ZNF827: variants seen among roughly 807,000 people sequenced by gnomAD.
ZNF827 encodes zinc finger protein 827.
ZNF827 carries 13 observed loss-of-function variants against 102.4 expected under a neutral mutation model. The ratio of observed to expected loss-of-function variants is 0.13; its 90% CI spans 0.08 to 0.20. ZNF827 has a LOEUF of 0.20. Ranked by LOEUF, ZNF827 falls within the 10% of genes least tolerant of loss-of-function variation. The pLI is 1.00. For synonymous variants in ZNF827, 523 were observed against 536.2 expected, an observed-to-expected ratio of 0.98 and a Z score of 0.34; for missense variants, 1,103 against 1,344.4, an observed-to-expected ratio of 0.82 and a Z score of 2.81.
chr4:145,782,479 T>C (rs1738232628), intron 8 of ZNF827, among the ~76,000 whole-genome samples: 1 of 152,154 alleles, frequency 6.6e-6, no homozygotes, highest in African/African-American at 2.4e-5. Flanking sequence ...CTCCCCCGAC[T>C]CTCTTTCAAC....
chr4:145,807,620 C>T (rs1741583790), intron 8 of ZNF827, among the ~76,000 whole-genome samples: 1 of 151,482 alleles, frequency 6.6e-6, no homozygotes, highest in African/African-American at 2.4e-5. Flanking sequence ...TACAGGCGCC[C>T]ACCACCACGC....
At position 145,870,588 on chromosome 4, in the gene ZNF827, G is replaced by A. The variant is rs114352073; in HGVS notation, c.1748-110C>T. 1.5e-3 allele frequency: 1,424 copies of A among 962,128 alleles called. 10 individuals carry two copies. In the African/African-American group the frequency reaches 0.019, roughly 13 times the overall value. The allele number at this position is 962,128 out of a possible 1,614,324, so 59.6% of individuals were successfully genotyped here. ...GCACAATCACACTGTGCTAACAACC[G>A]GAGGGATCACAACCTCATCAGAACA... On this transcript the variant is annotated intron_variant, in intron 4 of 14. Transcript: ENST00000508784.
intron 1 of ZNF827, among the ~76,000 whole-genome samples, chr4:145,909,383 T>C (rs942983321): frequency 1.3e-4 from 20 of 152,234 alleles, no homozygotes; most frequent in Admixed American, 7.9e-4. Context: ...CAGCATCAGA[T>C]AGGATGTCGA....
chr4:145,935,543 G>A (rs1376286407), intron 1 of ZNF827, among the ~76,000 whole-genome samples: 1 of 152,176 alleles, frequency 6.6e-6, no homozygotes, highest in East Asian at 1.9e-4. Flanking sequence ...AAGGTAAGTG[G>A]AAAAGCTTAG....
chr4:145,815,580 T>A (rs778970796), intron 8 of ZNF827, among the ~76,000 whole-genome samples: 7 of 152,346 alleles, frequency 4.6e-5, no homozygotes, highest in Non-Finnish European at 8.8e-5. Flanking sequence ...CTTTTCTTTT[T>A]TCTATCCTGG....
intron 1 of ZNF827, among the ~76,000 whole-genome samples, chr4:145,919,544 T>C (rs537282200): frequency 1.2e-4 from 18 of 152,238 alleles, no homozygotes; most frequent in Non-Finnish European, 2.2e-4. Flanking sequence ...TTACCAGCTA[T>C]ATAACTTCTG....
Position 145,760,735 on chromosome 4 carries a change from TTTG to T in ZNF827, c.*878_*880del, listed in dbSNP as rs1408772422. On this transcript the variant is annotated 3_prime_UTR_variant, in exon 15 of 15. Transcript: ENST00000508784. ...AAGTTTTGTGGTTTTTTTTTTTTTT[TTTG>T]TCTTTTGTCTCTCTGTTTTTGGTAC... is the stretch of plus-strand genomic sequence containing the variant. 8.0e-6 allele frequency: 8 copies of T among 999,066 alleles called. No homozygotes were observed. The highest frequency in any genetic ancestry group is 7.4e-5 in the South Asian group (2 of 26,916). 61.9% of individuals were successfully genotyped at this position (999,066 alleles called of 1,614,324 possible). A position where few individuals can be genotyped will look rare whatever the true frequency, so the allele number is the denominator to read the frequency against.
rs181223239 is a variant in ZNF827 at position 145,913,363 on chromosome 4, T to C, written c.44-10148A>G. On this transcript the variant is annotated intron_variant, in intron 1 of 14. Coordinates refer to ENST00000508784, the MANE Select transcript of ZNF827 (RefSeq NM_001306215.2). ...ATAACTTGAGTCCAGGAAGCAGAGGTTGCAGTGAGTCACGACTGCACCACT... is the reference window on the plus strand; with the variant it reads ...ATAACTTGAGTCCAGGAAGCAGAGGCTGCAGTGAGTCACGACTGCACCACT... 4.4e-3 allele frequency among the ~76,000 whole-genome samples: 639 copies of C among 145,014 alleles called. 10 individuals carry two copies. The highest frequency in any genetic ancestry group is 6.3e-3 in the East Asian group (30 of 4,798).
At chr4:145,768,257 C>T (rs1251444652) in intron 11 of ZNF827, among the ~76,000 whole-genome samples, 4 of 152,094 alleles carry the variant, frequency 2.6e-5, no homozygotes, top group African/African-American at 7.2e-5. Flanking sequence ...CTCCACCTCC[C>T]GGGTTCAAGC....
At chr4:145,803,696 C>T (rs1356225297) in intron 8 of ZNF827, among the ~76,000 whole-genome samples, 3 of 152,146 alleles carry the variant, frequency 2.0e-5, no homozygotes, top group African/African-American at 7.2e-5. Context: ...GTGTATATGA[C>T]TCCCCAAGAC....
chr4:145,771,390 G>A (rs925391372), intron 11 of ZNF827, among the ~76,000 whole-genome samples: 1 of 152,158 alleles, frequency 6.6e-6, no homozygotes, highest in African/African-American at 2.4e-5. Flanking sequence ...TTTGTTAATA[G>A]GGATTCTGTA....
At chr4:145,868,514 A>C (rs1579425765) in intron 5 of ZNF827, among the ~76,000 whole-genome samples, 1 of 152,346 alleles carries the variant, frequency 6.6e-6, no homozygotes, top group East Asian at 1.9e-4. Flanking sequence ...GGCAACATAT[A>C]CATTTAGAAG....
chr4:145,907,698 A>C (rs1751977088), intron 1 of ZNF827, among the ~76,000 whole-genome samples: 1 of 152,162 alleles, frequency 6.6e-6, no homozygotes, highest in Non-Finnish European at 1.5e-5. Flanking sequence ...CTTCCTTGTA[A>C]ATACATTATT....
At chr4:145,814,769 CAA>C (rs773438540) in intron 8 of ZNF827, among the ~76,000 whole-genome samples, 4,420 of 74,306 alleles carry the variant, frequency 0.059, 97 homozygotes, top group Middle Eastern at 0.092. Flanking sequence ...ACTAAAAATA[CAA>C]AAAAAAAAAA....
intron 4 of ZNF827, among the ~76,000 whole-genome samples, chr4:145,882,312 C>T (rs1749735898): frequency 6.6e-6 from 1 of 152,114 alleles, no homozygotes. Context: ...CTACAAAATT[C>T]ATTTTTCTGT....
rs902177027 is a variant in ZNF827 at position 145,759,148 on chromosome 4, T to C, written c.*2468A>G. 7.9e-5 allele frequency: 12 copies of C among 152,296 alleles called. No individual in the cohort carries two copies. The highest frequency in any genetic ancestry group is 3.4e-3 in the Middle Eastern group (1 of 294). 9.4% of individuals were successfully genotyped at this position (152,296 alleles called of 1,614,324 possible). On this transcript the variant is annotated 3_prime_UTR_variant, in exon 15 of 15. Transcript: ENST00000508784. ...CCAGTTCTCCAATAGATAAATAATA[T>C]ATAAACTTTTATATTCCAAACTTCC...
At chr4:145,776,612 TTG>T (rs140321780) in intron 9 of ZNF827, among the ~76,000 whole-genome samples, 11 of 150,908 alleles carry the variant, frequency 7.3e-5, no homozygotes, top group Admixed American at 1.3e-4. Context: ...GCATGTCTGT[TTG>T]TGTGTGTGTG....
In ZNF827 at chr4:145,902,803, C is replaced by T. The variant is rs373001707; in HGVS notation, c.456G>A (p.Ser152=). The T allele has an allele frequency of 9.3e-6, 15 of 1,613,996 alleles. No individual in the cohort carries two copies. Among genetic ancestry groups the T allele is most frequent in the East Asian group, 2.2e-5 (1 of 44,886 alleles). ...GRVESPVNVG[S]NLSFSPPSHH... ...GGGAAGGCGGGGAAAAGGAGAGGTT[C>T]GAGCCAACGTTTACGGGGGACTCCA... The change falls in exon 2 of 15, where the codon TCG becomes TCA. Residue 152 remains serine, a synonymous_variant. Transcript: ENST00000508784. This position sits in a 1 kb window ranked among gnomAD's most constrained non-coding sequence, Gnocchi z 4.3.
intron 7 of ZNF827, among the ~76,000 whole-genome samples, chr4:145,833,311 C>T (rs777812710): frequency 4.6e-5 from 7 of 152,242 alleles, no homozygotes; most frequent in Admixed American, 1.3e-4. Context: ...ACGTTTTATC[C>T]GTGGACCCAA....
Sources: gnomAD v4.1 joint callset for allele counts (sites outside exome capture counted in the v4.1 genomes callset) on GRCh38, gnomAD v4.1.1 for gene constraint, Gnocchi (gnomAD v3.1) non-coding constraint, MANE v1.5 for transcripts, NCBI Gene and HGNC (gene_info 2026-07-23, HGNC 2026-07-21) for gene names.